FRAS1: variants seen among roughly 807,000 people sequenced by gnomAD.
The protein encoded by FRAS1 is Fraser extracellular matrix complex subunit 1.
In FRAS1, 290 loss-of-function variants were observed where a neutral mutation model predicts 435.2. That is an observed-to-expected ratio of 0.67 (90% CI 0.61 to 0.73). FRAS1 has a LOEUF of 0.73. Among genes scored for constraint, FRAS1 ranks in the 30% least tolerant of loss-of-function variants. The pLI is 0.00. For missense variants in FRAS1, 4,860 were observed against 5,001.5 expected, an observed-to-expected ratio of 0.97 and a Z score of 0.85; for synonymous variants, 1,800 against 1,851.0, an observed-to-expected ratio of 0.97 and a Z score of 0.71.
chr4:78,317,885 C>T (rs1259630692), intron 17 of FRAS1, among the ~76,000 whole-genome samples: 2 of 152,134 alleles, frequency 1.3e-5, no homozygotes, highest in African/African-American at 4.8e-5. Context: ...GCTGAGCAAA[C>T]TGAGAGTCAC....
At chr4:78,395,603 TATA>T (rs2110339910) in intron 29 of FRAS1, among the ~76,000 whole-genome samples, 1 of 152,208 alleles carries the variant, frequency 6.6e-6, no homozygotes, top group Non-Finnish European at 1.5e-5. Context: ...CCTCTCATTA[TATA>T]ATATCTTCTT....
rs373490891 is a variant in FRAS1, at chr4:78,281,410, G to A, written c.1084G>A (p.Ala362Thr). The A allele has an allele frequency of 3.6e-5, 56 of 1,577,184 alleles. No homozygotes were observed. The highest frequency in any genetic ancestry group is 4.6e-5 in the Non-Finnish European group (54 of 1,162,426). Residue 362 changes from alanine to threonine, a missense_variant, in exon 11 of 74, where the codon GCT (alanine) becomes ACT (threonine). Transcript: ENST00000512123. Reference protein sequence around the residue: ...EETGEFMSSNASEVKRIPEGE... With the variant: ...EETGEFMSSNTSEVKRIPEGE... The stretch of plus-strand genomic sequence containing the variant: ...TCTTTGTTCCTAGATGTCATCAAAT[G>A]CTAGTGAAGTTAAACGTATTCCAGT...
chr4:78,267,281 A>G lies in FRAS1; in HGVS notation c.830A>G (p.Glu277Gly). 6.2e-7 allele frequency: 1 copy of G among 1,613,650 alleles called. No homozygotes were observed. Among genetic ancestry groups the G allele is most frequent in the East Asian group, 2.2e-5 (1 of 44,864 alleles). Residue 277 changes from glutamate to glycine, a missense_variant, in exon 9 of 74, where the codon GAA becomes GGA. Physicochemically the swap from Glu to Gly is moderately conservative, Grantham distance 98. Transcript: ENST00000512123. ...CGGCGTCATGGGCAATGCTGTGAGG[A>G]ATGTGTGTCTCCTGCCGGGAGCTGC... Reference protein sequence around the residue: ...RARRHGQCCEECVSPAGSCSY... With the variant: ...RARRHGQCCEGCVSPAGSCSY...
chr4:78,318,846 C>G lies in FRAS1; in HGVS notation c.1997C>G (p.Ala666Gly), dbSNP rs1729381069. 1 of 1,612,762 alleles carries G rather than the reference C, an allele frequency of 6.2e-7. No homozygotes were observed. Among genetic ancestry groups the G allele is most frequent in the Middle Eastern group, 1.7e-4 (1 of 6,056 alleles). ...TCCTGCCTGGCTTGTATGGGTCCCG[C>G]ACCCTCTCACTGTACTGGGTGTAAG... The part of the protein sequence containing the change: ...HSSCLACMGP[A>G]PSHCTGCKKP... The change falls in exon 18 of 74, where the codon GCA (alanine) becomes GGA (glycine). Residue 666 changes from alanine to glycine, a missense_variant. Ala to Gly is a moderately conservative substitution (Grantham distance 60). Coordinates refer to ENST00000512123, the MANE Select transcript of FRAS1 (RefSeq NM_025074.7).
chr4:78,418,819 T>C (rs1733648183), intron 32 of FRAS1, 130 bp from the exon 33 acceptor site: 2 of 573,242 alleles, frequency 3.5e-6, no homozygotes, highest in Non-Finnish European at 6.1e-6. Context: ...TTTTGAACTC[T>C]CGAAAATTTG....
intron 47 of FRAS1, among the ~76,000 whole-genome samples, chr4:78,455,676 A>G (rs1719170255): frequency 6.6e-6 from 1 of 152,028 alleles, no homozygotes; most frequent in Non-Finnish European, 1.5e-5. Context: ...CCCATAGGAG[A>G]TGTAGGGAGC....
At chr4:78,145,032 T>C (rs1185872564) in intron 2 of FRAS1, among the ~76,000 whole-genome samples, 1 of 152,228 alleles carries the variant, frequency 6.6e-6, no homozygotes, top group Non-Finnish European at 1.5e-5. Flanking sequence ...ATGCTTCCTA[T>C]ATTATTTTTA....
At chr4:78,364,377 T>C (rs1201207315) in intron 22 of FRAS1, among the ~76,000 whole-genome samples, 2 of 152,178 alleles carry the variant, frequency 1.3e-5, no homozygotes, top group African/African-American at 2.4e-5. Flanking sequence ...ATCTTTATAG[T>C]TTTTCTCAGC....
At chr4:78,372,618 A>G (rs1731559343) in intron 23 of FRAS1, 100 bp from the exon 24 acceptor site, 2 of 1,429,934 alleles carry the variant, frequency 1.4e-6, no homozygotes, top group East Asian at 2.3e-5. Context: ...CGTTGTCCTT[A>G]TTTTACTCCT....
chr4:78,192,926 C>G (rs561207636), intron 2 of FRAS1, among the ~76,000 whole-genome samples: 1 of 152,296 alleles, frequency 6.6e-6, no homozygotes, highest in Admixed American at 6.5e-5. Flanking sequence ...ATAAATTTCC[C>G]TCTACACACT....
chr4:78,515,122 C>T (rs912025635), intron 65 of FRAS1, among the ~76,000 whole-genome samples: 1 of 151,770 alleles, frequency 6.6e-6, no homozygotes, highest in African/African-American at 2.4e-5. Flanking sequence ...GTGTTCAGCT[C>T]CCTACTGCAT....
chr4:78,189,174 C>G (rs540741999), intron 2 of FRAS1, among the ~76,000 whole-genome samples: 2 of 152,238 alleles, frequency 1.3e-5, no homozygotes, highest in South Asian at 4.2e-4. Flanking sequence ...CTTATCTGAC[C>G]ACATGTATGA....
chr4:78,481,825 T>A lies in FRAS1; in HGVS notation c.8465T>A (p.Ile2822Asn). 6.2e-7 allele frequency: 1 copy of A among 1,613,948 alleles called. No homozygotes were observed. The highest frequency in any genetic ancestry group is 8.5e-7 in the Non-Finnish European group (1 of 1,179,816). Residue 2822 changes from isoleucine (I) to asparagine (N), a missense_variant, in exon 57 of 74, where the codon ATC (isoleucine) becomes AAC (asparagine). Ile to Asn is a moderately radical substitution (Grantham distance 149). Coordinates refer to ENST00000512123, the MANE Select transcript of FRAS1 (RefSeq NM_025074.7). Reference protein sequence around the residue: ...EDAGTVKIPVIRHGTDLSTFA... With the variant: ...EDAGTVKIPVNRHGTDLSTFA... Reference sequence around the variant, plus strand: ...TCAGGCACAGTAAAGATTCCAGTTATCCGCCATGGTACTGACCTCTCTACT... The same window carrying A: ...TCAGGCACAGTAAAGATTCCAGTTAACCGCCATGGTACTGACCTCTCTACT...
intron 28 of FRAS1, among the ~76,000 whole-genome samples, chr4:78,385,084 T>C (rs774930142): frequency 6.6e-6 from 1 of 152,124 alleles, no homozygotes; most frequent in East Asian, 1.9e-4. Flanking sequence ...GAAGTCATGG[T>C]AGATGCTATA....
At chr4:78,475,231 A>G (rs1262690948) in intron 53 of FRAS1, among the ~76,000 whole-genome samples, 2 of 152,236 alleles carry the variant, frequency 1.3e-5, no homozygotes, top group South Asian at 2.1e-4. Context: ...GACATTCTGC[A>G]TCCACAGCTT....
intron 32 of FRAS1, among the ~76,000 whole-genome samples, 152 bp downstream of exon 32, chr4:78,413,237 T>C (rs554831825): frequency 1.3e-5 from 2 of 152,300 alleles, no homozygotes; most frequent in East Asian, 3.9e-4. Context: ...ACATTTCTCA[T>C]TGACTTGAAA....
At chr4:78,357,853 A>AT (rs1373293622) in intron 20 of FRAS1, among the ~76,000 whole-genome samples, 1 of 152,108 alleles carries the variant, frequency 6.6e-6, no homozygotes, top group African/African-American at 2.4e-5. Context: ...GTGAGATATG[A>AT]TTTTGCCTCT....
intron 2 of FRAS1, among the ~76,000 whole-genome samples, chr4:78,138,328 G>A (rs955227841): frequency 6.6e-6 from 1 of 152,140 alleles, no homozygotes; most frequent in Non-Finnish European, 1.5e-5. Flanking sequence ...AAGCATTTAG[G>A]TCCAGGGTGA....
intron 2 of FRAS1, among the ~76,000 whole-genome samples, chr4:78,151,042 G>A (rs1480117628): frequency 2.0e-5 from 3 of 152,184 alleles, no homozygotes; most frequent in African/African-American, 7.2e-5. Flanking sequence ...TGGAAGAGAA[G>A]AATGCTTCAA....
Sources: gnomAD v4.1 joint callset for allele counts (sites outside exome capture counted in the v4.1 genomes callset) on GRCh38, gnomAD v4.1.1 for gene constraint, MANE v1.5 for transcripts, NCBI Gene and HGNC (gene_info 2026-07-23, HGNC 2026-07-21) for gene names.